ZFYVE9: variants seen among roughly 807,000 people sequenced by gnomAD.
ZFYVE9 encodes zinc finger FYVE domain-containing protein 9.
Under a neutral mutation model 126.7 loss-of-function variants are expected in ZFYVE9, and 43 were observed. The observed-to-expected ratio is 0.34, with a 90% CI of 0.27 to 0.44. The LOEUF is 0.44. ZFYVE9 is among the 20% of genes least tolerant of loss of function. ZFYVE9 has a pLI of 1.00. For missense variants in ZFYVE9, 1,476 were observed against 1,697.0 expected (o/e 0.87, Z 2.29); for synonymous variants, 521 against 597.4 (o/e 0.87, Z 1.87).
chr1:52,234,933 C>G (rs887038693), intron 3 of ZFYVE9, among the ~76,000 whole-genome samples: 4 of 152,166 alleles, frequency 2.6e-5, no homozygotes, highest in African/African-American at 9.6e-5. Flanking sequence ...CATGTGAATA[C>G]TATGCTTCTA....
chr1:52,330,364 G>A (rs761032344), intron 13 of ZFYVE9, among the ~76,000 whole-genome samples: 17 of 152,118 alleles, frequency 1.1e-4, no homozygotes, highest in Non-Finnish European at 2.1e-4. Context: ...CAACAAGAGC[G>A]AAACTCCATC....
rs12035774 is a variant in ZFYVE9, at chr1:52,182,635, G to C, written c.-142-33734G>C. Among the ~76,000 whole-genome samples the C allele has an allele frequency of 0.012, 1,756 of 152,052 alleles. 74 individuals are homozygous for C. In the East Asian group the frequency reaches 0.12, roughly 11 times the overall value. On this transcript the variant is annotated intron_variant, in intron 1 of 18. Transcript: ENST00000287727. ...TGCGGAAGGCTGCAGGGTCCTCTGC[G>C]TAGGAAAACCAGAGACCTTTGTTCA... is the stretch of plus-strand genomic sequence containing the variant.
chr1:52,184,009 T>C (rs1267671206), intron 1 of ZFYVE9, among the ~76,000 whole-genome samples: 3 of 151,004 alleles, frequency 2.0e-5, no homozygotes, highest in African/African-American at 7.3e-5. Context: ...TTTCTTTTTA[T>C]AAAAATAATT....
intron 4 of ZFYVE9, among the ~76,000 whole-genome samples, chr1:52,243,205 A>G (rs1645352272): frequency 6.6e-6 from 1 of 152,210 alleles, no homozygotes; most frequent in Non-Finnish European, 1.5e-5. Flanking sequence ...GCTTACACCA[A>G]TGATGTTGTG....
At chr1:52,180,611 T>A (rs2124538915) in intron 1 of ZFYVE9, 2 of 543,140 alleles carry the variant, frequency 3.7e-6, no homozygotes. Flanking sequence ...TAAAAAAGGA[T>A]AAAGTAAGAA....
At chr1:52,195,174 CTT>C (rs1644849130) in intron 1 of ZFYVE9, among the ~76,000 whole-genome samples, 1 of 152,012 alleles carries the variant, frequency 6.6e-6, no homozygotes, top group Non-Finnish European at 1.5e-5. Flanking sequence ...TCCTTTTTCT[CTT>C]TCTCTTTTCT....
chr1:52,230,769 A>G (rs1394597524), intron 2 of ZFYVE9, among the ~76,000 whole-genome samples: 1 of 152,100 alleles, frequency 6.6e-6, no homozygotes, highest in Non-Finnish European at 1.5e-5. Context: ...TGATGAACTT[A>G]AATAACCTCT....
intron 1 of ZFYVE9, among the ~76,000 whole-genome samples, chr1:52,185,562 T>G (rs1644757126): frequency 6.6e-6 from 1 of 152,138 alleles, no homozygotes; most frequent in Non-Finnish European, 1.5e-5. Flanking sequence ...GAGTTGGAAG[T>G]TTTAATATAG....
chr1:52,180,812 C>T (rs1415111860), intron 1 of ZFYVE9, among the ~76,000 whole-genome samples: 1 of 151,710 alleles, frequency 6.6e-6, no homozygotes, highest in African/African-American at 2.4e-5. Flanking sequence ...CCTGTCTCCA[C>T]TAAAAATACA....
intron 4 of ZFYVE9, among the ~76,000 whole-genome samples, chr1:52,251,164 C>T (rs890058153): frequency 1.3e-5 from 2 of 151,930 alleles, no homozygotes; most frequent in East Asian, 1.9e-4. Context: ...CTCTGCCTCT[C>T]GGGTTCAAGC....
At chr1:52,210,767 G>A (rs193112099) in intron 1 of ZFYVE9, among the ~76,000 whole-genome samples, 83 of 152,236 alleles carry the variant, frequency 5.5e-4, no homozygotes, top group African/African-American at 1.8e-3. Flanking sequence ...AGATTCTCAT[G>A]CCTCAGCCTC....
chr1:52,337,697 T>C lies in ZFYVE9; in HGVS notation c.3671-75T>C, dbSNP rs1200083888. The stretch of plus-strand genomic sequence containing the variant: ...GGAAAGCAGAGCTAAGGTTTACATT[T>C]AACTCGGAGGAATTTGCTAGATGCC... On this transcript the variant is annotated intron_variant, in intron 15 of 18. Coordinates refer to ENST00000287727, the MANE Select transcript of ZFYVE9 (RefSeq NM_004799.4). The C allele has an allele frequency of 3.2e-6, 5 of 1,547,400 alleles. No individual in the cohort carries two copies. The African/African-American group carries it at 5.4e-5, about 17-fold the overall frequency.
chr1:52,239,352 T>A lies in ZFYVE9; in HGVS notation c.1935T>A (p.Asn645Lys), dbSNP rs1645310629. 5 of 1,614,176 alleles carry A rather than the reference T, an allele frequency of 3.1e-6. No individual in the cohort carries two copies. Among genetic ancestry groups the A allele is most frequent in the Non-Finnish European group, 4.2e-6 (5 of 1,180,004 alleles). Residue 645 changes from asparagine (N) to lysine (K), a missense_variant, in exon 4 of 19, where the codon AAT becomes AAA. This residue lies in a region of ZFYVE9 where 807 missense variants were observed against 794.6 expected (regional missense o/e 1.02). Transcript: ENST00000287727. ...SLGNISNVDT[N>K]GEHLESYEAE... ...GAAACATCTCTAATGTCGATACAAA[T>A]GGGGAACATTTAGAAAGTTATGAGG...
Position 52,158,373 on chromosome 1 carries a change from T to G in ZFYVE9, c.-143+15970T>G, listed in dbSNP as rs1644422327. ...TTATCATGGCATCTAGGAATGCAGA[T>G]AGGGACAGATCCTGAGGGAGCCCCT... On this transcript the variant is annotated intron_variant, in intron 1 of 18. Coordinates refer to ENST00000287727, the MANE Select transcript of ZFYVE9 (RefSeq NM_004799.4). Among the ~76,000 whole-genome samples, 3 of 152,220 alleles carry G rather than the reference T, an allele frequency of 2.0e-5. No homozygotes were observed. The South Asian group carries it at 6.2e-4, about 31-fold the overall frequency.
At chr1:52,234,293 C>T (rs1184446098) in intron 3 of ZFYVE9, among the ~76,000 whole-genome samples, 5 of 152,140 alleles carry the variant, frequency 3.3e-5, no homozygotes, top group Non-Finnish European at 5.9e-5. Context: ...AACCCCGTCT[C>T]TACAGAAAAT....
chr1:52,245,388 G>C (rs946127281), intron 4 of ZFYVE9, among the ~76,000 whole-genome samples: 1 of 152,080 alleles, frequency 6.6e-6, no homozygotes, highest in Non-Finnish European at 1.5e-5. Flanking sequence ...GTGGGAAGCA[G>C]ATAGATTGTG....
chr1:52,185,011 A>G (rs944145224), intron 1 of ZFYVE9, among the ~76,000 whole-genome samples: 2 of 152,168 alleles, frequency 1.3e-5, no homozygotes, highest in African/African-American at 4.8e-5. Context: ...ACAAAAAAAG[A>G]ATTGATAAAA....
chr1:52,346,362 G>A lies in ZFYVE9; in HGVS notation c.*141G>A, dbSNP rs1268932200. The A allele has an allele frequency of 1.5e-5, 13 of 854,184 alleles. No individual in the cohort carries two copies. The highest frequency in any genetic ancestry group is 2.2e-5 in the Non-Finnish European group (13 of 603,372). 52.9% of individuals were successfully genotyped at this position (854,184 alleles called of 1,614,324 possible). A position where few individuals can be genotyped will look rare whatever the true frequency, so the allele number is the denominator to read the frequency against. ...GGAATAGGGTGGGAGTGGGGGTTTG[G>A]GAGACGGGTGGGAAAGGGTGGTTGG... On this transcript the variant is annotated 3_prime_UTR_variant, in exon 19 of 19. Coordinates refer to ENST00000287727, the MANE Select transcript of ZFYVE9 (RefSeq NM_004799.4).
rs368893738 is a variant in ZFYVE9 at position 52,253,552 on chromosome 1, G to C, written c.2179-10221G>C. ...CCCAGGCTGTCCTAGGAAGCCGAGT[G>C]GGAGTGGCACAGAGCTGCTGGAGAT... On this transcript the variant is annotated intron_variant, in intron 4 of 18. Transcript: ENST00000287727. 8.8e-5 allele frequency: 66 copies of C among 747,764 alleles called. No homozygotes were observed. The East Asian group carries it at 1.6e-3, about 18-fold the overall frequency. The allele number at this position is 747,764 out of a possible 1,614,324, so 46.3% of individuals were successfully genotyped here.
Sources: gnomAD v4.1 joint callset for allele counts (sites outside exome capture counted in the v4.1 genomes callset) on GRCh38, gnomAD v4.1.1 for gene constraint, gnomAD v4.1.1 regional missense constraint, MANE v1.5 for transcripts, NCBI Gene and HGNC (gene_info 2026-07-23, HGNC 2026-07-21) for gene names.